PPHLN1: variants seen among roughly 807,000 people sequenced by gnomAD.
PPHLN1 encodes the protein periphilin 1.
Under a neutral mutation model 51.3 loss-of-function variants are expected in PPHLN1, and 29 were observed. That is an observed-to-expected ratio of 0.57 (90% confidence interval 0.42 to 0.77). The LOEUF (loss-of-function observed/expected upper bound fraction) is 0.77, where lower values mean the gene tolerates loss of function less well. Ranked by LOEUF, PPHLN1 falls within the 30% of genes least tolerant of loss-of-function variation. The probability of loss-of-function intolerance (pLI) is 0.00; values close to 1 mark genes in which losing one functional copy is unlikely to be tolerated. For synonymous variants in PPHLN1, 147 were observed against 147.8 expected (o/e 0.99, Z 0.04); for missense variants, 436 against 438.4 (o/e 0.99, Z 0.05).
chr12:42,343,386 CA>C (rs892665104), intron 2 of PPHLN1, among the ~76,000 whole-genome samples: 1 of 152,092 alleles, frequency 6.6e-6, no homozygotes, highest in African/African-American at 2.4e-5. Flanking sequence ...ATACATCAGT[CA>C]AAAGAATTTT....
At chr12:42,432,405 T>C in intron 9 of PPHLN1, 1 of 754,658 alleles carries the variant, frequency 1.3e-6, no homozygotes, top group Non-Finnish European at 2.5e-6. Flanking sequence ...ACATTTCCAA[T>C]GGTTTCTTTA....
intron 2 of PPHLN1, chr12:42,347,323 T>G (rs569716273): frequency 6.6e-6 from 1 of 152,164 alleles, no homozygotes; most frequent in Non-Finnish European, 1.5e-5. Context: ...TTCCGAACAT[T>G]TCAGTAGTAC....
chr12:42,438,472 C>T (rs1402382894), intron 9 of PPHLN1, among the ~76,000 whole-genome samples: 2 of 152,174 alleles, frequency 1.3e-5, no homozygotes, highest in Non-Finnish European at 2.9e-5. Flanking sequence ...TTTCAGTTTC[C>T]TAATAACAAA....
chr12:42,439,893 T>C (rs1005231122), intron 9 of PPHLN1, among the ~76,000 whole-genome samples: 2 of 152,132 alleles, frequency 1.3e-5, no homozygotes, highest in Admixed American at 6.5e-5. Context: ...TATTCATTAT[T>C]ATGGGTTTCC....
At chr12:42,366,049 TG>T (rs1418733055) in intron 4 of PPHLN1, among the ~76,000 whole-genome samples, 5 of 152,154 alleles carry the variant, frequency 3.3e-5, no homozygotes, top group Non-Finnish European at 7.4e-5. Context: ...TGGTGATTTA[TG>T]GAACAGTATT....
intron 9 of PPHLN1, among the ~76,000 whole-genome samples, chr12:42,425,246 A>ATTTTT (rs34484756): frequency 0.13 from 16,652 of 124,016 alleles, 1,081 homozygotes; most frequent in South Asian, 0.17. Context: ...TGCCTGGCTA[A>ATTTTT]TTTTTTTTTT....
downstream of PPHLN1, chr12:42,446,670 C>A: frequency 6.4e-7 from 1 of 1,570,936 alleles, no homozygotes; most frequent in Non-Finnish European, 8.7e-7. Context: ...CGTCAATCAA[C>A]AAAACCTGAT....
chr12:42,393,551 A>T lies in PPHLN1; in HGVS notation c.649-19A>T. The T allele has an allele frequency of 6.4e-7, 1 of 1,564,550 alleles. No homozygotes were observed. Among genetic ancestry groups the T allele is most frequent in the Non-Finnish European group, 8.6e-7 (1 of 1,160,708 alleles). On this transcript the variant is annotated intron_variant, in intron 7 of 9. Transcript: ENST00000358314. ...AAAAGCCCTTGAGAATTGTAACAGA[A>T]ATGTTCTATTTTTATTAGGTGTTAG...
intron 4 of PPHLN1, chr12:42,359,410 TAAC>T (rs952541440): frequency 1.2e-4 from 18 of 152,216 alleles, no homozygotes; most frequent in African/African-American, 4.3e-4. Context: ...ATTTAACAAA[TAAC>T]AAAACATAAT....
At chr12:42,400,540 G>A (rs2078721523) in intron 9 of PPHLN1, 3 of 151,172 alleles carry the variant, frequency 2.0e-5, no homozygotes, top group African/African-American at 7.3e-5. Context: ...AGTGACCTTC[G>A]AGTAGTCCCT....
chr12:42,428,545 C>T (rs1353827660), intron 9 of PPHLN1, among the ~76,000 whole-genome samples: 1 of 152,060 alleles, frequency 6.6e-6, no homozygotes, highest in African/African-American at 2.4e-5. Flanking sequence ...TGTTCTCACT[C>T]ATATGTGGGA....
At chr12:42,421,466 G>A (rs1365028191) in intron 9 of PPHLN1, among the ~76,000 whole-genome samples, 2 of 152,046 alleles carry the variant, frequency 1.3e-5, no homozygotes, top group African/African-American at 2.4e-5. Context: ...TCCTGTCTCA[G>A]CCTCCCTAGT....
chr12:42,437,409 T>C (rs2082573727), intron 9 of PPHLN1, among the ~76,000 whole-genome samples: 1 of 152,234 alleles, frequency 6.6e-6, no homozygotes, highest in Non-Finnish European at 1.5e-5. Flanking sequence ...TGTATTATCT[T>C]ATTTAATTCT....
At chr12:42,341,692 G>A (rs1057188463) in intron 2 of PPHLN1, among the ~76,000 whole-genome samples, 1 of 152,062 alleles carries the variant, frequency 6.6e-6, no homozygotes, top group Non-Finnish European at 1.5e-5. Flanking sequence ...GGCGATCTCG[G>A]CTCACTGCAA....
intron 9 of PPHLN1, among the ~76,000 whole-genome samples, chr12:42,410,179 TG>T (rs11307546): frequency 0.26 from 37,595 of 146,740 alleles, 5,768 homozygotes; most frequent in Middle Eastern, 0.36. Context: ...TTTCATTCCA[TG>T]TTTTTTTTTT....
intron 9 of PPHLN1, among the ~76,000 whole-genome samples, chr12:42,411,829 CAGAGGT>C (rs1231526519): frequency 2.2e-3 from 298 of 134,738 alleles, no homozygotes; most frequent in Middle Eastern, 4.9e-3. Context: ...CGCTGGCACC[CAGAGGT>C]GGAGGTTGCA....
At chr12:42,413,070 G>T (rs1007044637) in intron 9 of PPHLN1, among the ~76,000 whole-genome samples, 3 of 152,056 alleles carry the variant, frequency 2.0e-5, no homozygotes, top group Non-Finnish European at 4.4e-5. Flanking sequence ...TCTGTGAGTT[G>T]TTTCCTCTGC....
At chr12:42,440,886 A>G (rs1205189046) in intron 9 of PPHLN1, among the ~76,000 whole-genome samples, 1 of 152,248 alleles carries the variant, frequency 6.6e-6, no homozygotes, top group Non-Finnish European at 1.5e-5. Context: ...GCCACTAAAC[A>G]GAATTTGTTA....
intron 9 of PPHLN1, among the ~76,000 whole-genome samples, chr12:42,405,181 T>C (rs1443903985): frequency 6.6e-6 from 1 of 152,236 alleles, no homozygotes; most frequent in African/African-American, 2.4e-5. Flanking sequence ...GTTTCCTCCT[T>C]AGAATTCTCT....
Sources: allele counts gnomAD v4.1 joint callset (sites outside exome capture counted in the v4.1 genomes callset), GRCh38; gene constraint gnomAD v4.1.1; transcripts MANE v1.5; gene names NCBI Gene and HGNC (gene_info 2026-07-23, HGNC 2026-07-21).